The following BCL2 variants were observed in gnomAD, a reference collection of about 807,000 sequenced individuals.
BCL2 encodes BCL2 apoptosis regulator, also known as apoptosis regulator Bcl-2.
BCL2 carries 1 observed loss-of-function variant against 14.2 expected under a neutral mutation model. The observed-to-expected ratio is 0.07, with a 90% CI of 0.02 to 0.33. BCL2 has a LOEUF of 0.33. BCL2 is among the 10% of genes least tolerant of loss of function. BCL2 has a pLI of 0.99. For synonymous variants in BCL2, 151 were observed against 137.2 expected, an observed-to-expected ratio of 1.10 and a Z score of -0.70; for missense variants, 247 against 305.9, an observed-to-expected ratio of 0.81 and a Z score of 1.44.
intron 2 of BCL2, among the ~76,000 whole-genome samples, chr18:63,288,744 T>C (rs193034696): frequency 3.0e-4 from 45 of 152,360 alleles, no homozygotes; most frequent in Non-Finnish European, 4.9e-4. Flanking sequence ...CAAGAAAGCA[T>C]AATGTTCTTG....
intron 2 of BCL2, among the ~76,000 whole-genome samples, chr18:63,274,245 T>G (rs1912084435): frequency 1.3e-5 from 2 of 151,302 alleles, no homozygotes; most frequent in Non-Finnish European, 2.9e-5. Context: ...TAGGTCCATC[T>G]ACCATGGGAG....
chr18:63,161,626 C>T (rs757607434), intron 2 of BCL2, among the ~76,000 whole-genome samples: 3 of 152,138 alleles, frequency 2.0e-5, no homozygotes, highest in Non-Finnish European at 2.9e-5. Context: ...GTCCTAGGGC[C>T]ATTTACAAAG....
intron 2 of BCL2, among the ~76,000 whole-genome samples, chr18:63,216,608 T>C (rs1361093267): frequency 6.6e-6 from 1 of 152,088 alleles, no homozygotes; most frequent in African/African-American, 2.4e-5. Context: ...TACAGCTACA[T>C]CTTGGAACCC....
chr18:63,201,302 C>A (rs1909683412), intron 2 of BCL2, among the ~76,000 whole-genome samples: 1 of 152,100 alleles, frequency 6.6e-6, no homozygotes, highest in South Asian at 2.1e-4. Context: ...TGTCTTAAGA[C>A]CCAAATTCCT....
At chr18:63,144,583 G>T (rs142095836) in intron 2 of BCL2, among the ~76,000 whole-genome samples, 1 of 152,088 alleles carries the variant, frequency 6.6e-6, no homozygotes, top group East Asian at 1.9e-4. Flanking sequence ...AAGTCCCGAG[G>T]AGTGACAGGG....
intron 2 of BCL2, among the ~76,000 whole-genome samples, chr18:63,216,818 G>A (rs905497509): frequency 1.7e-4 from 26 of 152,150 alleles, no homozygotes; most frequent in Admixed American, 6.5e-5. Flanking sequence ...GGCTTGATTC[G>A]TTTTGCAGTG....
chr18:63,180,566 T>G (rs934062832), intron 2 of BCL2, among the ~76,000 whole-genome samples: 1 of 113,748 alleles, frequency 8.8e-6, no homozygotes, highest in Admixed American at 1.3e-4. Context: ...CGTTTTCCAC[T>G]TTCCCAGGCT....
chr18:63,293,887 C>G (rs1307579805), intron 2 of BCL2, among the ~76,000 whole-genome samples: 2 of 152,070 alleles, frequency 1.3e-5, no homozygotes, highest in Non-Finnish European at 2.9e-5. Context: ...ACCTCTCATG[C>G]AACAGTTCAG....
chr18:63,207,116 G>A (rs560823135), intron 2 of BCL2, among the ~76,000 whole-genome samples: 9 of 152,310 alleles, frequency 5.9e-5, no homozygotes, highest in African/African-American at 7.2e-5. Context: ...GATTGAAGCC[G>A]TGACAGAAAA....
In BCL2 at chr18:63,186,508, T is replaced by C. The variant is rs191757616; in HGVS notation, c.586-57749A>G. Among the ~76,000 whole-genome samples, 112 of 152,350 alleles carry C rather than the reference T, an allele frequency of 7.4e-4. 1 individual carries two copies. The highest frequency in any genetic ancestry group is 2.6e-3 in the African/African-American group (109 of 41,576). On this transcript the variant is annotated intron_variant, in intron 2 of 2. Transcript: ENST00000333681. ...CATTCTTGTTCTTGAGTATGAACCA[T>C]ATATTATTTTCTGGCCTTTCTTTAC...
intron 2 of BCL2, among the ~76,000 whole-genome samples, chr18:63,232,553 C>G (rs958516393): frequency 6.6e-6 from 1 of 152,212 alleles, no homozygotes; most frequent in African/African-American, 2.4e-5. Context: ...AACACATAAC[C>G]TCATAAGTAA....
At chr18:63,187,447 G>T (rs1399011894) in intron 2 of BCL2, among the ~76,000 whole-genome samples, 1 of 152,122 alleles carries the variant, frequency 6.6e-6, no homozygotes, top group East Asian at 1.9e-4. Flanking sequence ...AGATAAGTGG[G>T]CACCTCTACC....
intron 2 of BCL2, among the ~76,000 whole-genome samples, chr18:63,131,377 G>C (rs17677569): frequency 0.051 from 7,719 of 152,234 alleles, 297 homozygotes; most frequent in Non-Finnish European, 0.076. Flanking sequence ...GAAAAGCGAG[G>C]CAATAGACGT....
Position 63,128,050 on chromosome 18 carries a change from C to G in BCL2, c.*575G>C, listed in dbSNP as rs1913957322. ...ATCATGTGAGTCATATGCAAAGAGTCTCTTCTTCAGGCCAGGGAGGCATGG... is the reference window on the plus strand; with the variant it reads ...ATCATGTGAGTCATATGCAAAGAGTGTCTTCTTCAGGCCAGGGAGGCATGG... On this transcript the variant is annotated 3_prime_UTR_variant, in exon 3 of 3. Transcript: ENST00000333681. The G allele has an allele frequency of 4.4e-6, 1 of 226,292 alleles. No individual in the cohort carries two copies. The highest frequency in any genetic ancestry group is 5.7e-5 in the Admixed American group (1 of 17,530). The allele number at this position is 226,292 out of a possible 1,614,324, so 14.0% of individuals were successfully genotyped here.
chr18:63,156,643 T>C (rs1196566056), intron 2 of BCL2, among the ~76,000 whole-genome samples: 2 of 152,060 alleles, frequency 1.3e-5, no homozygotes, highest in Non-Finnish European at 2.9e-5. Context: ...CCACCTGATG[T>C]TTACGTAAAC....
At chr18:63,235,547 A>AT (rs1555702510) in intron 2 of BCL2, among the ~76,000 whole-genome samples, 2 of 151,408 alleles carry the variant, frequency 1.3e-5, no homozygotes, top group Admixed American at 1.3e-4. Context: ...TACATTTAAA[A>AT]ATATATATAT....
At chr18:63,317,024 C>G (rs1913519631) in intron 2 of BCL2, 1 of 151,756 alleles carries the variant, frequency 6.6e-6, no homozygotes, top group Admixed American at 6.6e-5. Context: ...CAATCCTTGA[C>G]TCTTAGGAAC....
intron 2 of BCL2, among the ~76,000 whole-genome samples, chr18:63,292,222 CA>C (rs749093257): frequency 0.056 from 3,157 of 56,452 alleles, 22 homozygotes; most frequent in African/African-American, 0.061. Context: ...AACCCCAGTG[CA>C]AAAAAAAAAA....
intron 2 of BCL2, among the ~76,000 whole-genome samples, chr18:63,212,618 T>C (rs965810311): frequency 3.9e-5 from 6 of 152,040 alleles, no homozygotes; most frequent in African/African-American, 9.7e-5. Flanking sequence ...GGCTCACAAC[T>C]GTAATCCCAG....
Sources: allele counts gnomAD v4.1 joint callset (sites outside exome capture counted in the v4.1 genomes callset), GRCh38; gene constraint gnomAD v4.1.1; transcripts MANE v1.5; gene names NCBI Gene and HGNC (gene_info 2026-07-23, HGNC 2026-07-21).